AUTS2: variants seen among roughly 807,000 people sequenced by gnomAD.
The protein encoded by AUTS2 is activator of transcription and developmental regulator AUTS2.
In AUTS2, 17 loss-of-function variants were observed where a neutral mutation model predicts 112.4. That is an observed-to-expected ratio of 0.15 (90% confidence interval 0.10 to 0.23). The LOEUF is 0.23. AUTS2 is among the 10% of genes least tolerant of loss of function. The probability of loss-of-function intolerance (pLI) is 1.00; values close to 1 mark genes in which losing one functional copy is unlikely to be tolerated. For synonymous variants in AUTS2, 751 were observed against 702.7 expected (o/e 1.07, Z -1.09); for missense variants, 1,510 against 1,701.6 (o/e 0.89, Z 1.98).
At chr7:69,716,907 G>A (rs1001291041) in intron 1 of AUTS2, among the ~76,000 whole-genome samples, 5 of 152,122 alleles carry the variant, frequency 3.3e-5, no homozygotes, top group African/African-American at 1.2e-4. Flanking sequence ...TGGAAGAGAT[G>A]CGTAGGGCAA....
At chr7:70,689,840 A>G (rs1172717953) in intron 5 of AUTS2, among the ~76,000 whole-genome samples, 7 of 150,830 alleles carry the variant, frequency 4.6e-5, no homozygotes, top group African/African-American at 1.7e-4. Context: ...CACTGTACCC[A>G]CTTTATGGGA....
chr7:69,614,580 G>A (rs1410545033), intron 1 of AUTS2, among the ~76,000 whole-genome samples: 1 of 151,638 alleles, frequency 6.6e-6, no homozygotes, highest in Admixed American at 6.6e-5. Context: ...AAACTCCTGG[G>A]CTCAAGTGAT....
chr7:70,319,702 C>G (rs1790162730), intron 4 of AUTS2, among the ~76,000 whole-genome samples: 1 of 152,134 alleles, frequency 6.6e-6, no homozygotes, highest in South Asian at 2.1e-4. Flanking sequence ...TCAGAACATC[C>G]AACACCTTAG....
chr7:69,756,521 G>A (rs1787951953), intron 1 of AUTS2, among the ~76,000 whole-genome samples: 1 of 152,028 alleles, frequency 6.6e-6, no homozygotes. Flanking sequence ...TGTATTTGAA[G>A]CCTCTAATGA....
intron 2 of AUTS2, among the ~76,000 whole-genome samples, chr7:70,009,579 T>G (rs901941853): frequency 1.3e-5 from 2 of 152,236 alleles, no homozygotes; most frequent in African/African-American, 4.8e-5. Flanking sequence ...TTTTTCCTCG[T>G]GGTTTTATGC....
At chr7:70,651,738 C>T (rs1311108025) in intron 5 of AUTS2, among the ~76,000 whole-genome samples, 1 of 152,058 alleles carries the variant, frequency 6.6e-6, no homozygotes, top group African/African-American at 2.4e-5. Flanking sequence ...AGTTAGGGAC[C>T]ATCTGTATGT....
chr7:70,432,443 T>C (rs1453914083), intron 4 of AUTS2, among the ~76,000 whole-genome samples: 1 of 152,216 alleles, frequency 6.6e-6, no homozygotes, highest in African/African-American at 2.4e-5. Flanking sequence ...ATACAGTGTA[T>C]TAAATGTGAA....
intron 1 of AUTS2, among the ~76,000 whole-genome samples, chr7:69,768,990 C>G (rs1191501529): frequency 2.0e-5 from 3 of 152,184 alleles, no homozygotes; most frequent in African/African-American, 7.2e-5. Flanking sequence ...TTTGTTTATA[C>G]TCTTTCTCCC....
chr7:70,474,577 A>G (rs146490599), intron 5 of AUTS2, among the ~76,000 whole-genome samples: 21 of 152,202 alleles, frequency 1.4e-4, no homozygotes, highest in African/African-American at 4.6e-4. Context: ...AAATATAAGT[A>G]TAACTGCCCA....
At chr7:70,180,104 G>C (rs1231572861) in intron 4 of AUTS2, among the ~76,000 whole-genome samples, 1 of 152,148 alleles carries the variant, frequency 6.6e-6, no homozygotes, top group Non-Finnish European at 1.5e-5. Flanking sequence ...TCAGCCACAG[G>C]TCTTTCTAAG....
rs539788355 is a variant in AUTS2, at chr7:70,658,087, A to T, written c.691-40482A>T. 1.0e-3 allele frequency among the ~76,000 whole-genome samples: 156 copies of T among 152,352 alleles called. 1 individual carries two copies. The highest frequency in any genetic ancestry group is 3.6e-3 in the African/African-American group (149 of 41,570). Reference sequence around the variant, plus strand: ...TATTTTGGCTTCTGCCAAAGCAGATATGAGAACAATTGGACTATAATGAGA... The same window carrying T: ...TATTTTGGCTTCTGCCAAAGCAGATTTGAGAACAATTGGACTATAATGAGA... On this transcript the variant is annotated intron_variant, in intron 5 of 18. Coordinates refer to ENST00000342771, the MANE Select transcript of AUTS2 (RefSeq NM_015570.4).
intron 2 of AUTS2, among the ~76,000 whole-genome samples, chr7:70,074,421 A>AT (rs1300893129): frequency 6.6e-6 from 1 of 152,048 alleles, no homozygotes; most frequent in Non-Finnish European, 1.5e-5. Flanking sequence ...CTCCTCATTA[A>AT]TTTTATGGGG....
chr7:70,324,717 A>G (rs1284036883), intron 4 of AUTS2, among the ~76,000 whole-genome samples: 1 of 152,242 alleles, frequency 6.6e-6, no homozygotes, highest in Non-Finnish European at 1.5e-5. Flanking sequence ...AAAGTAAGTC[A>G]TACTCGACAC....
At chr7:70,217,118 C>A (rs1169820461) in intron 4 of AUTS2, among the ~76,000 whole-genome samples, 4 of 152,108 alleles carry the variant, frequency 2.6e-5, no homozygotes, top group African/African-American at 9.7e-5. Flanking sequence ...CAAGTTTCAG[C>A]TTTTATTAGC....
chr7:70,532,743 T>G (rs1179841049), intron 5 of AUTS2, among the ~76,000 whole-genome samples: 2 of 152,108 alleles, frequency 1.3e-5, no homozygotes, highest in East Asian at 1.9e-4. Flanking sequence ...CAGTGCCTCG[T>G]CTTGACCAGT....
chr7:70,742,863 C>T (rs550413666), intron 6 of AUTS2, among the ~76,000 whole-genome samples: 3 of 152,278 alleles, frequency 2.0e-5, no homozygotes, highest in Admixed American at 6.5e-5. Context: ...ACTCTTAGAA[C>T]TGGAAAGGAC....
At chr7:70,562,027 AAGC>A (rs1276884374) in intron 5 of AUTS2, among the ~76,000 whole-genome samples, 1 of 152,104 alleles carries the variant, frequency 6.6e-6, no homozygotes, top group Non-Finnish European at 1.5e-5. Context: ...TTGTTTAAAA[AAGC>A]CTGGCACTTC....
intron 4 of AUTS2, among the ~76,000 whole-genome samples, chr7:70,428,729 A>G (rs985308961): frequency 1.3e-5 from 2 of 152,348 alleles, no homozygotes; most frequent in Middle Eastern, 3.4e-3. Context: ...AGCAAGGTCC[A>G]TTGAGCAGAA....
At chr7:69,978,932 C>G (rs917801793) in intron 2 of AUTS2, among the ~76,000 whole-genome samples, 1 of 145,152 alleles carries the variant, frequency 6.9e-6, no homozygotes, top group Non-Finnish European at 1.5e-5. Context: ...GCACACACAC[C>G]CATTACCAGT....
Sources: allele counts gnomAD v4.1 joint callset (sites outside exome capture counted in the v4.1 genomes callset), GRCh38; gene constraint gnomAD v4.1.1; transcripts MANE v1.5; gene names NCBI Gene and HGNC (gene_info 2026-07-23, HGNC 2026-07-21).